RABGEF1: variants seen among roughly 807,000 people sequenced by gnomAD.
RABGEF1 encodes RAB guanine nucleotide exchange factor 1.
In RABGEF1, 26 loss-of-function variants were observed where a neutral mutation model predicts 57.3. That is an observed-to-expected ratio of 0.45 (90% CI 0.33 to 0.63). The LOEUF (loss-of-function observed/expected upper bound fraction) is 0.63, where lower values mean the gene tolerates loss of function less well. Among genes scored for constraint, RABGEF1 ranks in the 20% least tolerant of loss-of-function variants. The probability of loss-of-function intolerance (pLI) is 0.02; values close to 1 mark genes in which losing one functional copy is unlikely to be tolerated. For synonymous variants in RABGEF1, 185 were observed against 210.7 expected (o/e 0.88, Z 1.06); for missense variants, 464 against 607.6 (o/e 0.76, Z 2.48).
At chr7:66,794,187 T>C (rs532527319) in intron 4 of RABGEF1, among the ~76,000 whole-genome samples, 25 of 151,760 alleles carry the variant, frequency 1.6e-4, no homozygotes, top group African/African-American at 6.0e-4. Context: ...GGCTCTGCTT[T>C]AGGTCTCTCT....
At chr7:66,698,101 A>AC (rs140832726) in intron 1 of RABGEF1, among the ~76,000 whole-genome samples, 2,115 of 114,730 alleles carry the variant, frequency 0.018, 44 homozygotes, top group East Asian at 0.1. Context: ...ACAGCCACGC[A>AC]CCCCCCCCAC....
chr7:66,802,004 G>T (rs1296900787), intron 7 of RABGEF1, among the ~76,000 whole-genome samples: 1 of 152,164 alleles, frequency 6.6e-6, no homozygotes, highest in Non-Finnish European at 1.5e-5. Context: ...TGACCTCACA[G>T]GCTCAAGCGA....
intron 4 of RABGEF1, 23 bp from the exon 5 acceptor site, chr7:66,795,488 G>A: frequency 5.7e-6 from 9 of 1,570,532 alleles, no homozygotes; most frequent in Non-Finnish European, 7.9e-6. Flanking sequence ...GCTACAAGCA[G>A]CCTCTTTGTC....
intron 1 of RABGEF1, among the ~76,000 whole-genome samples, chr7:66,759,098 C>T (rs1382567885): frequency 6.6e-6 from 1 of 152,194 alleles, no homozygotes; most frequent in Non-Finnish European, 1.5e-5. Context: ...CTGTAGCCAC[C>T]ACCATAGTCA....
chr7:66,721,164 C>T (rs200179936), intron 2 of RABGEF1, among the ~76,000 whole-genome samples: 5 of 152,114 alleles, frequency 3.3e-5, no homozygotes, highest in South Asian at 2.1e-4. Context: ...AGTGATCTGC[C>T]GGCCTCGGCC....
chr7:66,659,232 C>T, the RABGEF1 span, among the ~76,000 whole-genome samples: 1 of 151,938 alleles, frequency 6.6e-6, no homozygotes. Flanking sequence ...GTGGGTGGAT[C>T]ACAAGGTCAG....
At chr7:66,755,112 G>A (rs777554970) in intron 1 of RABGEF1, among the ~76,000 whole-genome samples, 1 of 152,124 alleles carries the variant, frequency 6.6e-6, no homozygotes, top group Non-Finnish European at 1.5e-5. Context: ...GGCTAACACA[G>A]TAAAACCTGG....
upstream of RABGEF1, among the ~76,000 whole-genome samples, chr7:66,681,456 T>C (rs1789729565): frequency 6.6e-6 from 1 of 150,922 alleles, no homozygotes; most frequent in Non-Finnish European, 1.5e-5. Context: ...CGGGCTGGAG[T>C]TCAGTGGAGG....
intron 1 of RABGEF1, among the ~76,000 whole-genome samples, chr7:66,746,370 C>G (rs1411358738): frequency 6.6e-6 from 1 of 151,508 alleles, no homozygotes; most frequent in Non-Finnish European, 1.5e-5. Flanking sequence ...GTGGCGCGAT[C>G]TTGGCTCACT....
At chr7:66,746,618 C>CTTTTTT (rs1206614304) in intron 1 of RABGEF1, among the ~76,000 whole-genome samples, 2 of 92,172 alleles carry the variant, frequency 2.2e-5, no homozygotes, top group Non-Finnish European at 4.2e-5. Flanking sequence ...ATAATATAAC[C>CTTTTTT]TTTTTTTTTT....
intron 1 of RABGEF1, among the ~76,000 whole-genome samples, chr7:66,696,731 A>G (rs922623975): frequency 2.6e-4 from 39 of 150,908 alleles, no homozygotes; most frequent in Non-Finnish European, 4.9e-4. Flanking sequence ...GAGCGTGGTC[A>G]TGTGCTGAGG....
At chr7:66,745,495 G>C (rs1171248803) in intron 1 of RABGEF1, among the ~76,000 whole-genome samples, 1 of 152,030 alleles carries the variant, frequency 6.6e-6, no homozygotes, top group Admixed American at 6.6e-5. Context: ...GGCTGGGTGC[G>C]GTGGCTCACA....
At chr7:66,685,195 G>C (rs770818373) in intron 1 of RABGEF1, among the ~76,000 whole-genome samples, 2 of 127,092 alleles carry the variant, frequency 1.6e-5, no homozygotes, top group Non-Finnish European at 3.1e-5. Flanking sequence ...TTGCTCTGTC[G>C]CTGGGCTAGA....
intron 1 of RABGEF1, among the ~76,000 whole-genome samples, chr7:66,683,253 G>T (rs780917572): frequency 6.6e-6 from 1 of 152,154 alleles, no homozygotes; most frequent in Non-Finnish European, 1.5e-5. Context: ...GCTGGGATTA[G>T]AGACGTGAGC....
chr7:66,785,114 A>G lies in RABGEF1; in HGVS notation c.513+1273A>G, dbSNP rs191179720. 2.0e-5 allele frequency among the ~76,000 whole-genome samples: 3 copies of G among 152,314 alleles called. No homozygotes were observed. In the East Asian group the frequency reaches 5.8e-4, roughly 29 times the overall value. On this transcript the variant is annotated intron_variant, in intron 4 of 8. Coordinates refer to ENST00000284957, the MANE Select transcript of RABGEF1 (RefSeq NM_014504.3). ...GATTTGGTATTTTTCTTTTGCTCAG[A>G]AGTGTGATGTGTTCTTACTCTGTAA... is the stretch of plus-strand genomic sequence containing the variant.
intron 1 of RABGEF1, among the ~76,000 whole-genome samples, chr7:66,759,384 C>G (rs566510779): frequency 6.6e-6 from 1 of 152,304 alleles, no homozygotes; most frequent in South Asian, 2.1e-4. Flanking sequence ...GCTTACTTCC[C>G]CAGCCGTAAA....
At chr7:66,795,190 G>C (rs976245025) in intron 4 of RABGEF1, among the ~76,000 whole-genome samples, 1 of 152,066 alleles carries the variant, frequency 6.6e-6, no homozygotes, top group Non-Finnish European at 1.5e-5. Context: ...TGAGTGTCTC[G>C]GATTCCCCCT....
Position 66,766,887 on chromosome 7 carries a change from G to T in RABGEF1, c.-17-4996G>T, listed in dbSNP as rs192338054. On this transcript the variant is annotated intron_variant, in intron 1 of 8. Coordinates refer to ENST00000284957, the MANE Select transcript of RABGEF1 (RefSeq NM_014504.3). ...TTACAGGCAAGCGCCACCATGCCTG[G>T]CTACCCACTGTGTTACCTCAAGTCC... Among the ~76,000 whole-genome samples, 16 of 151,848 alleles carry T rather than the reference G, an allele frequency of 1.1e-4. No individual in the cohort carries two copies. The East Asian group carries it at 3.1e-3, about 29-fold the overall frequency.
At chr7:66,668,422 C>T in the RABGEF1 span, among the ~76,000 whole-genome samples, 1 of 152,166 alleles carries the variant, frequency 6.6e-6, no homozygotes, top group Non-Finnish European at 1.5e-5. Flanking sequence ...AGACATGAGA[C>T]TGAGAGAATG....
Sources: allele counts gnomAD v4.1 joint callset (sites outside exome capture counted in the v4.1 genomes callset), GRCh38; gene constraint gnomAD v4.1.1; transcripts MANE v1.5; gene names NCBI Gene and HGNC (gene_info 2026-07-23, HGNC 2026-07-21).